The following ARSG variants were observed in gnomAD, a reference collection of about 807,000 sequenced individuals.
ARSG encodes the protein ASG.
A neutral mutation model predicts 50.5 loss-of-function variants in ARSG; 37 were observed. The observed-to-expected ratio is 0.73, with a 90% confidence interval of 0.56 to 0.96. The LOEUF (loss-of-function observed/expected upper bound fraction) is 0.96, where lower values mean the gene tolerates loss of function less well. Ranked by LOEUF, ARSG falls within the 50% of genes least tolerant of loss-of-function variation. ARSG has a pLI of 0.00. For synonymous variants in ARSG, 225 were observed against 254.6 expected (o/e 0.88, Z 1.11); for missense variants, 629 against 675.3 (o/e 0.93, Z 0.76).
At position 68,293,492 on chromosome 17, in the gene ARSG, C is replaced by CTAATAATAA. The variant is rs10570607; in HGVS notation, c.-552+1942_-552+1950dup. Among the ~76,000 whole-genome samples the CTAATAATAA allele has an allele frequency of 7.5e-4, 113 of 150,648 alleles. 1 individual carries two copies. The highest frequency in any genetic ancestry group is 2.6e-3 in the African/African-American group (105 of 40,948). On this transcript the variant is annotated intron_variant, in intron 1 of 11. Transcript: ENST00000621439. ...AACCTGGCTTTTGGGGAGCATGATT[C>CTAATAATAA]TAATAATAATAATAATAATAATAAT...
chr17:68,280,906 C>G (rs1338724213), intron 1 of ARSG, among the ~76,000 whole-genome samples: 2 of 152,044 alleles, frequency 1.3e-5, no homozygotes, highest in Non-Finnish European at 2.9e-5. Context: ...GGGTGGATTA[C>G]CTGAGCTAAG....
intron 1 of ARSG, chr17:68,270,888 G>C: frequency 6.2e-7 from 1 of 1,614,140 alleles, no homozygotes; most frequent in East Asian, 2.2e-5. Context: ...TGAAGATGTA[G>C]ACCCCAGCTG....
At chr17:68,438,905 CAT>C in the ARSG span, among the ~76,000 whole-genome samples, 7 of 152,256 alleles carry the variant, frequency 4.6e-5, no homozygotes, top group South Asian at 1.2e-3. Context: ...TGGCCTAGCA[CAT>C]ATGTTTTTAA....
intron 1 of ARSG, among the ~76,000 whole-genome samples, chr17:68,273,345 T>C (rs2075404987): frequency 6.6e-6 from 1 of 151,954 alleles, no homozygotes; most frequent in Non-Finnish European, 1.5e-5. Context: ...AGTGATAGGA[T>C]GGTTACAGCT....
chr17:68,392,258 G>T (rs891489333), intron 9 of ARSG, among the ~76,000 whole-genome samples: 1 of 152,182 alleles, frequency 6.6e-6, no homozygotes, highest in Non-Finnish European at 1.5e-5. Flanking sequence ...TCTGTTGAAG[G>T]GGCAGCCTCT....
At chr17:68,346,748 C>T (rs1471956003) in intron 3 of ARSG, 2 of 1,287,770 alleles carry the variant, frequency 1.6e-6, no homozygotes, top group Non-Finnish European at 2.0e-6. Context: ...TGCACCTGCA[C>T]CCTGGGCCTC....
chr17:68,345,969 G>A (rs141389519), intron 3 of ARSG, among the ~76,000 whole-genome samples: 1,959 of 152,148 alleles, frequency 0.013, 25 homozygotes, highest in Middle Eastern at 0.027. Context: ...CCCACCTCCC[G>A]GGTTCAAGTG....
At chr17:68,450,588 C>T in the ARSG span, 16 of 1,162,882 alleles carry the variant, frequency 1.4e-5, no homozygotes, top group African/African-American at 4.7e-5. Context: ...ACAATACCCC[C>T]GGGACACGGG....
chr17:68,283,781 G>A (rs11077464), intron 1 of ARSG, among the ~76,000 whole-genome samples: 53,664 of 151,150 alleles, frequency 0.36, 9,638 homozygotes, highest in East Asian at 0.39. Context: ...GGGAGGCTGA[G>A]GCAGGAGAAT....
intron 1 of ARSG, among the ~76,000 whole-genome samples, chr17:68,304,793 G>C (rs1402958422): frequency 6.6e-6 from 1 of 152,214 alleles, no homozygotes; most frequent in Admixed American, 6.5e-5. Context: ...GCCTCCCAAA[G>C]TGTTGGGATT....
rs1491091033 is a variant in ARSG at position 68,278,616 on chromosome 17, CCT to C, written c.-552+19191_-552+19192del. 5.7e-4 allele frequency among the ~76,000 whole-genome samples: 74 copies of C among 129,362 alleles called. No homozygotes were observed. The South Asian group carries it at 0.016, about 29-fold the overall frequency. The allele number at this position is 129,362 out of a possible 152,430, so 84.9% of individuals were successfully genotyped here. A position where few individuals can be genotyped will look rare whatever the true frequency, so the allele number is the denominator to read the frequency against. ...CAGCCAGCTAATGTTTTTTCTTTTT[CCT>C]TTTTTTTTTTTTTTTTTTTGAGACA... On this transcript the variant is annotated intron_variant, in intron 1 of 11. Coordinates refer to the ARSG transcript ENST00000448504.
At chr17:68,425,192 A>G (rs1047510743), downstream of ARSG, among the ~76,000 whole-genome samples, 12 of 152,272 alleles carry the variant, frequency 7.9e-5, no homozygotes, top group African/African-American at 2.9e-4. Flanking sequence ...TGCCCTCCAC[A>G]GAGCACACAA....
intron 2 of ARSG, among the ~76,000 whole-genome samples, chr17:68,337,964 C>T (rs1269776153): frequency 2.0e-5 from 3 of 152,152 alleles, no homozygotes; most frequent in African/African-American, 2.4e-5. Context: ...AATCCCAGCA[C>T]CGCTCGCTCC....
At chr17:68,259,655 A>G (rs2075042488) in intron 1 of ARSG, among the ~76,000 whole-genome samples, 1 of 152,210 alleles carries the variant, frequency 6.6e-6, no homozygotes, top group African/African-American at 2.4e-5. Flanking sequence ...TGCATCCAAA[A>G]TATTATTTCA....
At chr17:68,429,008 C>A in the ARSG span, 237 of 1,128,520 alleles carry the variant, frequency 2.1e-4, no homozygotes, top group Non-Finnish European at 2.9e-4. Flanking sequence ...AATGACAAAG[C>A]CCCCCTCACC....
At chr17:68,324,070 CAAA>C (rs57040262) in intron 2 of ARSG, among the ~76,000 whole-genome samples, 1,651 of 89,780 alleles carry the variant, frequency 0.018, 38 homozygotes, top group East Asian at 0.091. Context: ...AAAACTCCAT[CAAA>C]AAAAAAAAAA....
At chr17:68,374,157 CAAAAAAAAA>C (rs758829709) in intron 8 of ARSG, among the ~76,000 whole-genome samples, 86 of 60,512 alleles carry the variant, frequency 1.4e-3, no homozygotes, top group Non-Finnish European at 2.6e-3. Flanking sequence ...ACTCTGTCTC[CAAAAAAAAA>C]AAAAAAAAAG....
the ARSG span, chr17:68,434,559 T>A: frequency 1.2e-6 from 2 of 1,613,906 alleles, no homozygotes; most frequent in East Asian, 4.5e-5. Flanking sequence ...CACAGACCTT[T>A]TCATCCCTCT....
At chr17:68,337,534 A>G (rs2078077130) in intron 2 of ARSG, among the ~76,000 whole-genome samples, 1 of 152,172 alleles carries the variant, frequency 6.6e-6, no homozygotes, top group South Asian at 2.1e-4. Flanking sequence ...GTTTCCAGAA[A>G]CAAGGTGCTG....
Sources: allele counts gnomAD v4.1 joint callset (sites outside exome capture counted in the v4.1 genomes callset), GRCh38; gene constraint gnomAD v4.1.1; transcripts MANE v1.5; gene names NCBI Gene and HGNC (gene_info 2026-07-23, HGNC 2026-07-21).